Variants in CDH5 observed in about 807,000 individuals in gnomAD.
CDH5 encodes the protein cadherin 5, also known as cadherin-5.
A neutral mutation model predicts 62.0 loss-of-function variants in CDH5; 28 were observed. The observed-to-expected ratio is 0.45, with a 90% CI of 0.33 to 0.62. The LOEUF is 0.62. Among genes scored for constraint, CDH5 ranks in the 20% least tolerant of loss-of-function variants. The pLI, the probability that CDH5 is intolerant of heterozygous loss-of-function variation, is 0.02. For missense variants in CDH5, 940 were observed against 1,065.1 expected (o/e 0.88, Z 1.63); for synonymous variants, 464 against 445.8 (o/e 1.04, Z -0.52).
chr16:66,377,032 T>G (rs118039180), intron 1 of CDH5, among the ~76,000 whole-genome samples: 1,958 of 152,312 alleles, frequency 0.013, 17 homozygotes, highest in Non-Finnish European at 0.016. Flanking sequence ...TCCATTTTAC[T>G]TTGTCATCTT....
intron 8 of CDH5, among the ~76,000 whole-genome samples, chr16:66,396,410 G>A (rs113773700): frequency 1.3e-5 from 2 of 152,230 alleles, no homozygotes; most frequent in African/African-American, 2.4e-5. Context: ...GTTGCATCTC[G>A]GGCCTCACCC....
chr16:66,395,951 T>C, intron 7 of CDH5, 108 bp from the exon 8 acceptor site: 1 of 1,100,080 alleles, frequency 9.1e-7, no homozygotes, highest in Non-Finnish European at 1.3e-6. Context: ...GAGAGGGGCA[T>C]GGAGTGGGAT....
Position 66,402,676 on chromosome 16 carries a change from G to A in CDH5, c.1862G>A (p.Arg621Gln), listed in dbSNP as rs1327918298. The A allele has an allele frequency of 4.4e-6, 7 of 1,602,680 alleles. No homozygotes were observed. The highest frequency in any genetic ancestry group is 1.7e-5 in the Admixed American group (1 of 59,278). The part of the protein sequence containing the change: ...ITVITLLIFL[R>Q]RRLRKQARAH... ...GTGATCACCCTGCTCATCTTCCTGC[G>A]GCGGCGGCTCCGGAAGCAGGCCCGC... Residue 621 changes from arginine to glutamine, a missense_variant, in exon 12 of 12, where the codon CGG becomes CAG. By Grantham distance (43) the Arg-to-Gln change is conservative (BLOSUM62 1). Transcript: ENST00000341529.
At chr16:66,390,806 G>C (rs1596940691) in intron 6 of CDH5, among the ~76,000 whole-genome samples, 1 of 152,314 alleles carries the variant, frequency 6.6e-6, no homozygotes, top group East Asian at 1.9e-4. Flanking sequence ...TTGTTTATCT[G>C]GGAGGTGATC....
chr16:66,382,085 G>A (rs760510499), intron 2 of CDH5, among the ~76,000 whole-genome samples: 3 of 152,226 alleles, frequency 2.0e-5, no homozygotes, highest in Admixed American at 6.5e-5. Flanking sequence ...ACCTTGGTCC[G>A]TGGACTGGCT....
rs999933828 is a variant in CDH5, at chr16:66,403,412, C to T, written c.*243C>T. The T allele has an allele frequency of 1.3e-5, 7 of 549,426 alleles. No individual in the cohort carries two copies. The highest frequency in any genetic ancestry group is 1.1e-4 in the African/African-American group (6 of 52,854). 34.0% of individuals were successfully genotyped at this position (549,426 alleles called of 1,614,324 possible). On this transcript the variant is annotated 3_prime_UTR_variant, in exon 12 of 12. Coordinates refer to ENST00000341529, the MANE Select transcript of CDH5 (RefSeq NM_001795.5). This position sits in a 1 kb window ranked among gnomAD's most constrained non-coding sequence, Gnocchi z 4.3. ...AATCCAGGCTGGTGTTCTGTCTGGGCTCAGACATCCACATAACCCTGTCAC... is the reference window on the plus strand; with the variant it reads ...AATCCAGGCTGGTGTTCTGTCTGGGTTCAGACATCCACATAACCCTGTCAC...
chr16:66,371,655 C>G (rs1567459182), intron 1 of CDH5, among the ~76,000 whole-genome samples: 1 of 152,158 alleles, frequency 6.6e-6, no homozygotes, highest in African/African-American at 2.4e-5. Context: ...TGCCCCACCC[C>G]TGAGGCCCTC....
chr16:66,376,359 C>CTATT (rs1555512479), intron 1 of CDH5: 1 of 152,164 alleles, frequency 6.6e-6, no homozygotes, highest in Non-Finnish European at 1.5e-5. Context: ...GCACATGACT[C>CTATT]TATTTATCCA....
chr16:66,395,503 C>CTTTTTTTTTTTTTTTTTTTTTTTGTTTTT (rs56675642), intron 7 of CDH5: 1 of 80,956 alleles, frequency 1.2e-5, no homozygotes, highest in Non-Finnish European at 2.2e-5. Context: ...CTTTTCTTTT[C>CTTTTTTTTTTTTTTTTTTTTTTTGTTTTT]TTTTTTTTTT....
intron 7 of CDH5, among the ~76,000 whole-genome samples, chr16:66,393,763 T>G (rs1261722420): frequency 6.6e-6 from 1 of 152,244 alleles, no homozygotes; most frequent in East Asian, 1.9e-4. Flanking sequence ...TTTTTTCTTT[T>G]GTGAAATTTA....
chr16:66,397,598 C>A (rs1233092354), intron 8 of CDH5, among the ~76,000 whole-genome samples: 1 of 152,054 alleles, frequency 6.6e-6, no homozygotes, highest in Non-Finnish European at 1.5e-5. Flanking sequence ...CAGTCTTTTC[C>A]GGTAGCCTAG....
chr16:66,385,194 A>G (rs1237314062), intron 2 of CDH5, among the ~76,000 whole-genome samples: 1 of 152,214 alleles, frequency 6.6e-6, no homozygotes, highest in African/African-American at 2.4e-5. Flanking sequence ...ATACTATTCT[A>G]TAGGAACTAT....
At chr16:66,389,261 A>T (rs2142329161) in intron 4 of CDH5, 97 bp from the exon 5 acceptor site, 2 of 1,195,024 alleles carry the variant, frequency 1.7e-6, no homozygotes, top group Non-Finnish European at 2.4e-6. Flanking sequence ...TGGAATCACC[A>T]GGGAAGCTCT....
chr16:66,397,084 G>A (rs1203958555), intron 8 of CDH5, among the ~76,000 whole-genome samples: 1 of 152,178 alleles, frequency 6.6e-6, no homozygotes, highest in Admixed American at 6.5e-5. Flanking sequence ...GTTACTATTA[G>A]CACATTCATG....
intron 8 of CDH5, 77 bp downstream of exon 8, chr16:66,396,278 ATTTGGGG>A: frequency 6.3e-7 from 1 of 1,576,338 alleles, no homozygotes; most frequent in South Asian, 1.1e-5. Flanking sequence ...ATAATCAATA[ATTTGGGG>A]TCTCTAGACG....
At chr16:66,367,210 C>T (rs1960603157) in intron 1 of CDH5, among the ~76,000 whole-genome samples, 1 of 152,222 alleles carries the variant, frequency 6.6e-6, no homozygotes, top group African/African-American at 2.4e-5. Context: ...TACCCATACG[C>T]CACTAAAGCT....
At chr16:66,370,622 A>T (rs1456397320) in intron 1 of CDH5, among the ~76,000 whole-genome samples, 1 of 152,198 alleles carries the variant, frequency 6.6e-6, no homozygotes, top group Non-Finnish European at 1.5e-5. Flanking sequence ...TATGGCATGA[A>T]GTGAACTCTT....
intron 8 of CDH5, among the ~76,000 whole-genome samples, chr16:66,396,785 A>T (rs377551563): frequency 6.6e-5 from 10 of 152,306 alleles, no homozygotes; most frequent in African/African-American, 1.7e-4. Context: ...CTATATTAGA[A>T]AATCACAATC....
At chr16:66,391,862 A>C (rs1410810279) in intron 6 of CDH5, among the ~76,000 whole-genome samples, 1 of 152,202 alleles carries the variant, frequency 6.6e-6, no homozygotes, top group East Asian at 1.9e-4. Flanking sequence ...GATCCATTCT[A>C]TGTCCCAAAC....
Sources: allele counts gnomAD v4.1 joint callset (sites outside exome capture counted in the v4.1 genomes callset), GRCh38; gene constraint gnomAD v4.1.1; non-coding constraint Gnocchi (gnomAD v3.1); transcripts MANE v1.5; gene names NCBI Gene and HGNC (gene_info 2026-07-23, HGNC 2026-07-21).